The following DLG2 variants were observed in gnomAD, a reference collection of about 807,000 sequenced individuals.
DLG2 encodes the protein disks large homolog 2.
DLG2 carries 45 observed loss-of-function variants against 132.5 expected under a neutral mutation model. That is an observed-to-expected ratio of 0.34 (90% confidence interval 0.27 to 0.44). The LOEUF is 0.44. Ranked by LOEUF, DLG2 falls within the 20% of genes least tolerant of loss-of-function variation. DLG2 has a pLI of 1.00. For synonymous variants in DLG2, 424 were observed against 419.6 expected (o/e 1.01, Z -0.13); for missense variants, 1,045 against 1,196.9 (o/e 0.87, Z 1.87).
chr11:84,002,857 G>C (rs1346134527), intron 11 of DLG2, among the ~76,000 whole-genome samples: 1 of 152,078 alleles, frequency 6.6e-6, no homozygotes, highest in Non-Finnish European at 1.5e-5. Flanking sequence ...TCAGAAAATT[G>C]TTTTATCTTT....
chr11:84,395,026 T>G (rs923202672), intron 7 of DLG2, among the ~76,000 whole-genome samples: 17 of 152,226 alleles, frequency 1.1e-4, no homozygotes, highest in African/African-American at 4.1e-4. Context: ...CTCTCACTTC[T>G]CATATTTCCC....
intron 6 of DLG2, among the ~76,000 whole-genome samples, chr11:84,927,508 T>C (rs918679037): frequency 3.3e-5 from 5 of 151,990 alleles, no homozygotes; most frequent in Admixed American, 3.3e-4. Context: ...CCTTAGAGCA[T>C]GGGTCAGCAA....
intron 9 of DLG2, among the ~76,000 whole-genome samples, chr11:84,152,728 T>G (rs2095331477): frequency 6.6e-6 from 1 of 152,172 alleles, no homozygotes; most frequent in African/African-American, 2.4e-5. Flanking sequence ...TTCTCCATTC[T>G]TTTACTTTGA....
In DLG2 at chr11:85,219,088, G is replaced by A. The variant is rs932349286; in HGVS notation, c.187-64437C>T. Among the ~76,000 whole-genome samples the A allele has an allele frequency of 3.3e-5, 5 of 152,194 alleles. No individual in the cohort carries two copies. In the South Asian group the frequency reaches 8.3e-4, roughly 25 times the overall value. ...TAAGACTACTAGAGAGGGAGGCAAG[G>A]AGCAGGCATGGGTTGAAAAACTACC... On this transcript the variant is annotated intron_variant, in intron 4 of 27. Coordinates refer to ENST00000376104, the MANE Select transcript of DLG2 (RefSeq NM_001142699.3).
chr11:84,316,792 C>T lies in DLG2; in HGVS notation c.520-65501G>A, dbSNP rs2098361619. 4 of 1,558,608 alleles carry T rather than the reference C, an allele frequency of 2.6e-6. No homozygotes were observed. In the African/African-American group the frequency reaches 5.4e-5, roughly 21 times the overall value. ...ACAACTTGCTCTCACTTTCTTCAGA[C>T]ACTCAAGGGAAAGTCATAAGGAAAA... On this transcript the variant is annotated intron_variant, in intron 7 of 27. Coordinates refer to ENST00000376104, the MANE Select transcript of DLG2 (RefSeq NM_001142699.3).
chr11:83,750,744 A>T (rs1593612941), intron 18 of DLG2, among the ~76,000 whole-genome samples: 1 of 152,334 alleles, frequency 6.6e-6, no homozygotes, highest in South Asian at 2.1e-4. Flanking sequence ...AAACATATAG[A>T]ATAAAAAATA....
chr11:83,795,294 G>C (rs2042507995), intron 17 of DLG2, among the ~76,000 whole-genome samples: 1 of 152,010 alleles, frequency 6.6e-6, no homozygotes, highest in Non-Finnish European at 1.5e-5. Context: ...TGTAGTCCCA[G>C]CTACTTGGGA....
intron 3 of DLG2, among the ~76,000 whole-genome samples, chr11:85,480,404 T>G (rs943124953): frequency 6.6e-6 from 1 of 151,428 alleles, no homozygotes; most frequent in African/African-American, 2.4e-5. Flanking sequence ...TGATATACCA[T>G]GAAGCAAGAA....
intron 3 of DLG2, among the ~76,000 whole-genome samples, chr11:85,352,587 G>C (rs971195741): frequency 1.3e-5 from 2 of 151,846 alleles, no homozygotes; most frequent in African/African-American, 4.8e-5. Context: ...ATGTGTACCA[G>C]AGATTCTGGC....
In DLG2 at chr11:85,147,369, G is replaced by A. The variant is rs1440108898; in HGVS notation, c.282+7187C>T. Among the ~76,000 whole-genome samples the A allele has an allele frequency of 7.2e-5, 11 of 152,204 alleles. 1 individual carries two copies. In the East Asian group the frequency reaches 2.1e-3, roughly 29 times the overall value. On this transcript the variant is annotated intron_variant, in intron 5 of 27. Coordinates refer to ENST00000376104, the MANE Select transcript of DLG2 (RefSeq NM_001142699.3). ...TGAAGTGGTTTCTCATTGTAGTTTT[G>A]ATTTGCATTTCCCTGATGATTGATA...
chr11:84,583,242 T>C (rs1421151317), intron 6 of DLG2, among the ~76,000 whole-genome samples: 1 of 152,212 alleles, frequency 6.6e-6, no homozygotes, highest in African/African-American at 2.4e-5. Context: ...TGGCAGCATA[T>C]GAATATAAGC....
chr11:85,104,872 CAAAAAAAA>C (rs56043190), intron 6 of DLG2, among the ~76,000 whole-genome samples: 13 of 56,044 alleles, frequency 2.3e-4, no homozygotes, highest in African/African-American at 4.1e-4. Flanking sequence ...GGCTGAATGG[CAAAAAAAA>C]AAAAAAAAAA....
chr11:83,542,657 T>G (rs2096113276), intron 19 of DLG2, among the ~76,000 whole-genome samples: 1 of 152,190 alleles, frequency 6.6e-6, no homozygotes, highest in African/African-American at 2.4e-5. Context: ...CACTGTAATA[T>G]GTATGAGTGG....
intron 3 of DLG2, among the ~76,000 whole-genome samples, chr11:85,588,773 C>T (rs1014956577): frequency 6.6e-6 from 1 of 152,038 alleles, no homozygotes; most frequent in African/African-American, 2.4e-5. Context: ...GTCATATTTT[C>T]TGATTCCTTC....
intron 6 of DLG2, among the ~76,000 whole-genome samples, chr11:85,096,214 C>A (rs2069734952): frequency 6.6e-6 from 1 of 152,128 alleles, no homozygotes; most frequent in Non-Finnish European, 1.5e-5. Context: ...GCCACCCGCG[C>A]CAGCAGTGGC....
At chr11:83,573,875 C>T (rs545762889) in intron 19 of DLG2, among the ~76,000 whole-genome samples, 1 of 152,268 alleles carries the variant, frequency 6.6e-6, no homozygotes, top group South Asian at 2.1e-4. Flanking sequence ...GGCAGTATAA[C>T]ACATTGGAAA....
intron 18 of DLG2, among the ~76,000 whole-genome samples, chr11:83,753,792 T>C (rs1382676962): frequency 8.5e-6 from 1 of 117,048 alleles, no homozygotes; most frequent in Non-Finnish European, 1.6e-5. Context: ...ATGTCATATA[T>C]ATGATATATC....
chr11:85,618,437 C>A (rs945592163), intron 2 of DLG2, among the ~76,000 whole-genome samples: 1 of 152,204 alleles, frequency 6.6e-6, no homozygotes, highest in Admixed American at 6.5e-5. Context: ...TACTTATTGA[C>A]AAAGGCATGA....
At chr11:83,968,196 G>A (rs1227473105) in intron 12 of DLG2, among the ~76,000 whole-genome samples, 1 of 152,110 alleles carries the variant, frequency 6.6e-6, no homozygotes, top group Admixed American at 6.6e-5. Context: ...ATACTTTGCA[G>A]CACTACTATT....
Sources: allele counts gnomAD v4.1 joint callset (sites outside exome capture counted in the v4.1 genomes callset), GRCh38; gene constraint gnomAD v4.1.1; transcripts MANE v1.5; gene names NCBI Gene and HGNC (gene_info 2026-07-23, HGNC 2026-07-21).